RAPGEF4: variants seen among roughly 807,000 people sequenced by gnomAD.
The protein encoded by RAPGEF4 is RAP guanine-nucleotide-exchange factor (GEF) 4.
Under a neutral mutation model 147.9 loss-of-function variants are expected in RAPGEF4, and 66 were observed. The ratio of observed to expected loss-of-function variants is 0.45; its 90% confidence interval spans 0.37 to 0.55. RAPGEF4 has a LOEUF of 0.55. Ranked by LOEUF, RAPGEF4 falls within the 20% of genes least tolerant of loss-of-function variation. The pLI, the probability that RAPGEF4 is intolerant of heterozygous loss-of-function variation, is 0.00. For synonymous variants in RAPGEF4, 419 were observed against 442.7 expected, an observed-to-expected ratio of 0.95 and a Z score of 0.67; for missense variants, 1,071 against 1,257.3, an observed-to-expected ratio of 0.85 and a Z score of 2.24.
intron 4 of RAPGEF4, among the ~76,000 whole-genome samples, chr2:172,901,229 A>G (rs1699028111): frequency 6.6e-6 from 1 of 152,262 alleles, no homozygotes; most frequent in Admixed American, 6.5e-5. Flanking sequence ...TTTGGCACTA[A>G]TTCCGAGAGC....
chr2:173,036,083 T>C, intron 27 of RAPGEF4, 42 bp from the exon 28 acceptor site: 2 of 1,423,052 alleles, frequency 1.4e-6, no homozygotes, highest in East Asian at 4.6e-5. Flanking sequence ...GGGTGGTGTA[T>C]CTGTCACCAG....
At chr2:173,018,521 T>G (rs900261075) in intron 21 of RAPGEF4, 135 bp from the exon 22 acceptor site, 7 of 892,854 alleles carry the variant, frequency 7.8e-6, no homozygotes, top group Non-Finnish European at 1.2e-5. Context: ...TAGGGGTAAA[T>G]GAGTATGAAT....
At chr2:172,845,929 A>C (rs1692129969) in intron 4 of RAPGEF4, among the ~76,000 whole-genome samples, 1 of 152,088 alleles carries the variant, frequency 6.6e-6, no homozygotes, top group Non-Finnish European at 1.5e-5. Flanking sequence ...AGCTCAGGGG[A>C]ATGGAAGACA....
At chr2:172,983,629 C>A (rs1258071915) in intron 11 of RAPGEF4, 49 bp downstream of exon 11, 1 of 1,606,496 alleles carries the variant, frequency 6.2e-7, no homozygotes, top group Middle Eastern at 1.7e-4. Flanking sequence ...GCAATAAATG[C>A]ACTGTTAGGA....
chr2:172,955,590 A>G (rs192500392), intron 6 of RAPGEF4, among the ~76,000 whole-genome samples: 4 of 152,286 alleles, frequency 2.6e-5, no homozygotes, highest in African/African-American at 9.6e-5. Context: ...ATTTTTATCA[A>G]CACATGATTG....
At chr2:172,776,706 G>T (rs2149499602) in intron 1 of RAPGEF4, among the ~76,000 whole-genome samples, 1 of 151,592 alleles carries the variant, frequency 6.6e-6, no homozygotes, top group Non-Finnish European at 1.5e-5. Flanking sequence ...TTTCTGCAGT[G>T]CCCAATCTAC....
chr2:172,914,492 C>A (rs1248547751), intron 4 of RAPGEF4, among the ~76,000 whole-genome samples: 2 of 151,614 alleles, frequency 1.3e-5, no homozygotes, highest in Non-Finnish European at 1.5e-5. Flanking sequence ...AGCCACCACG[C>A]CCTGCCGGAA....
rs568559898 is a variant in RAPGEF4, at chr2:172,822,979, G to C, written c.444+8554G>C. 4.9e-4 allele frequency among the ~76,000 whole-genome samples: 74 copies of C among 152,320 alleles called. 1 individual carries two copies. Among genetic ancestry groups the C allele is most frequent in the Admixed American group, 8.5e-4 (13 of 15,300 alleles). On this transcript the variant is annotated intron_variant, in intron 4 of 30. Coordinates refer to ENST00000397081, the MANE Select transcript of RAPGEF4 (RefSeq NM_007023.4). The stretch of plus-strand genomic sequence containing the variant: ...CAGGTGGAGGTGCAAAATGCCCTCT[G>C]TCTGCTTTTCTGTGGTTTACAATCT...
intron 1 of RAPGEF4, among the ~76,000 whole-genome samples, chr2:172,758,284 AG>A (rs1276478505): frequency 6.6e-6 from 1 of 152,184 alleles, no homozygotes; most frequent in Non-Finnish European, 1.5e-5. Context: ...AACAAGGGAA[AG>A]GGTAGGAGAG....
chr2:172,841,088 A>G (rs1298319945), intron 4 of RAPGEF4, among the ~76,000 whole-genome samples: 1 of 152,210 alleles, frequency 6.6e-6, no homozygotes, highest in Admixed American at 6.5e-5. Context: ...TGGTTTGGAT[A>G]TAGTTTGTTG....
chr2:172,945,266 A>G (rs944464402), intron 6 of RAPGEF4, among the ~76,000 whole-genome samples: 2 of 152,088 alleles, frequency 1.3e-5, no homozygotes, highest in Non-Finnish European at 2.9e-5. Context: ...CATATTTTAT[A>G]TGGTATGCTT....
intron 15 of RAPGEF4, 24 bp from the exon 16 acceptor site, chr2:172,996,442 A>T: frequency 1.4e-6 from 2 of 1,407,316 alleles, no homozygotes. Context: ...TGAAAAATTA[A>T]TGGCATTTTT....
At chr2:172,825,985 C>A (rs1689627621) in intron 4 of RAPGEF4, among the ~76,000 whole-genome samples, 1 of 152,116 alleles carries the variant, frequency 6.6e-6, no homozygotes, top group Admixed American at 6.6e-5. Context: ...TTTCCTATAG[C>A]CTCTGTGTAA....
Position 172,736,054 on chromosome 2 carries a change from T to TC in RAPGEF4, c.65+7dup, listed in dbSNP as rs1553502288. On this transcript the variant is annotated splice_region_variant and intron_variant, in intron 1 of 30. Transcript: ENST00000397081. ...ATCGCCTGCCTGGATAAAAGGTAGC[T>TC]CGCCGGGGGCCGCAGCCGGGGGCCG... 2 of 1,318,702 alleles carry TC rather than the reference T, an allele frequency of 1.5e-6. No homozygotes were observed. The highest frequency in any genetic ancestry group is 3.8e-5 in the African/African-American group (1 of 26,352). 81.7% of individuals were successfully genotyped at this position (1,318,702 alleles called of 1,614,324 possible).
chr2:172,746,430 A>G (rs2149431001), intron 1 of RAPGEF4, among the ~76,000 whole-genome samples: 1 of 152,312 alleles, frequency 6.6e-6, no homozygotes, highest in East Asian at 1.9e-4. Flanking sequence ...AGGTAATGCT[A>G]CAGAACATAG....
At chr2:172,936,277 G>C (rs1686554537) in intron 6 of RAPGEF4, among the ~76,000 whole-genome samples, 1 of 152,096 alleles carries the variant, frequency 6.6e-6, no homozygotes, top group South Asian at 2.1e-4. Flanking sequence ...TGAGGCAGAA[G>C]AATCACTTGA....
Position 172,983,482 on chromosome 2 carries a change from T to TA in RAPGEF4, c.1005-14_1005-13insA. On this transcript the variant is annotated splice_polypyrimidine_tract_variant and intron_variant, in intron 10 of 30. Coordinates refer to ENST00000397081, the MANE Select transcript of RAPGEF4 (RefSeq NM_007023.4). ...CCTTTTTCCATATTCCTTTTTTTTTTTTTATCTTTGTAGACCTGGCCAGAG... is the reference window on the plus strand; with the variant it reads ...CCTTTTTCCATATTCCTTTTTTTTTTATTTATCTTTGTAGACCTGGCCAGAG... 6.3e-7 allele frequency: 1 copy of TA among 1,584,072 alleles called. No individual in the cohort carries two copies. Among genetic ancestry groups the TA allele is most frequent in the Non-Finnish European group, 8.5e-7 (1 of 1,173,186 alleles).
intron 1 of RAPGEF4, among the ~76,000 whole-genome samples, chr2:172,782,513 A>G (rs73979550): frequency 6.6e-6 from 1 of 152,158 alleles, no homozygotes; most frequent in Admixed American, 6.5e-5. Flanking sequence ...TTTCAACCCA[A>G]AGCCCTCCGT....
chr2:172,920,321 T>A (rs55773816), intron 5 of RAPGEF4, among the ~76,000 whole-genome samples: 47,377 of 151,946 alleles, frequency 0.31, 8,224 homozygotes, highest in East Asian at 0.49. Flanking sequence ...TTTTCATGTG[T>A]AACCAGAGCA....
Sources: gnomAD v4.1 joint callset for allele counts (sites outside exome capture counted in the v4.1 genomes callset) on GRCh38, gnomAD v4.1.1 for gene constraint, MANE v1.5 for transcripts, NCBI Gene and HGNC (gene_info 2026-07-23, HGNC 2026-07-21) for gene names.